The following PRDM16 variants were observed in gnomAD, a reference collection of about 807,000 sequenced individuals.
PRDM16 encodes the protein histone-lysine N-methyltransferase PRDM16.
In PRDM16, 23 loss-of-function variants were observed where a neutral mutation model predicts 110.6. The observed-to-expected ratio is 0.21, with a 90% confidence interval of 0.15 to 0.29. The LOEUF (loss-of-function observed/expected upper bound fraction) is 0.29, where lower values mean the gene tolerates loss of function less well. PRDM16 is among the 10% of genes least tolerant of loss of function. The pLI, the probability that PRDM16 is intolerant of heterozygous loss-of-function variation, is 1.00. For synonymous variants in PRDM16, 799 were observed against 781.8 expected (o/e 1.02, Z -0.37); for missense variants, 1,615 against 1,794.3 (o/e 0.90, Z 1.81).
At chr1:3,150,020 G>A (rs2100721352) in intron 1 of PRDM16, among the ~76,000 whole-genome samples, 1 of 152,344 alleles carries the variant, frequency 6.6e-6, no homozygotes, top group South Asian at 2.1e-4. Context: ...GCTGGGGCGT[G>A]TCCATCTCCT....
intron 1 of PRDM16, among the ~76,000 whole-genome samples, chr1:3,103,564 G>T (rs531061670): frequency 6.6e-6 from 1 of 152,170 alleles, no homozygotes; most frequent in African/African-American, 2.4e-5. Flanking sequence ...CTCGCATACC[G>T]CCAAAAACAC....
chr1:3,118,008 G>T (rs1163481739), intron 1 of PRDM16, among the ~76,000 whole-genome samples: 1 of 151,856 alleles, frequency 6.6e-6, no homozygotes. Flanking sequence ...GTGTGCGTGT[G>T]CGTGTGTGCA....
intron 1 of PRDM16, among the ~76,000 whole-genome samples, chr1:3,128,458 G>A (rs1395395140): frequency 6.6e-6 from 1 of 152,192 alleles, no homozygotes; most frequent in Admixed American, 6.5e-5. Context: ...ACAGTAGCAG[G>A]GCATTGAAAA....
chr1:3,200,536 G>A (rs1638596169), intron 2 of PRDM16, among the ~76,000 whole-genome samples: 1 of 152,148 alleles, frequency 6.6e-6, no homozygotes, highest in African/African-American at 2.4e-5. Flanking sequence ...TAGAGACGGG[G>A]TTTCACCGTG....
intron 3 of PRDM16, among the ~76,000 whole-genome samples, chr1:3,301,723 A>G (rs1034233250): frequency 3.9e-5 from 6 of 152,208 alleles, no homozygotes; most frequent in African/African-American, 1.2e-4. Context: ...ACTAACCCCA[A>G]GCAAAGCCAC....
intron 4 of PRDM16, among the ~76,000 whole-genome samples, chr1:3,394,145 C>T (rs186485229): frequency 9.7e-4 from 147 of 152,038 alleles, no homozygotes; most frequent in Non-Finnish European, 1.3e-3. Flanking sequence ...GGTTTCCTTC[C>T]GCAGCGCCGC....
chr1:3,251,383 G>C (rs940649831), intron 3 of PRDM16, among the ~76,000 whole-genome samples: 2 of 152,224 alleles, frequency 1.3e-5, no homozygotes, highest in African/African-American at 2.4e-5. Context: ...GAGCGGAGCA[G>C]TCAGGCACAG....
At chr1:3,364,838 G>A (rs1296707667) in intron 3 of PRDM16, among the ~76,000 whole-genome samples, 3 of 152,236 alleles carry the variant, frequency 2.0e-5, no homozygotes, top group African/African-American at 7.2e-5. Flanking sequence ...GCTTCGGAAG[G>A]AAGCAGCATG....
At chr1:3,343,652 G>A (rs143371653) in intron 3 of PRDM16, among the ~76,000 whole-genome samples, 4,508 of 151,166 alleles carry the variant, frequency 0.03, 223 homozygotes, top group African/African-American at 0.1. Flanking sequence ...TGTTTTTTTT[G>A]AGATGGAGTC....
intron 1 of PRDM16, among the ~76,000 whole-genome samples, chr1:3,125,329 C>A (rs1253539310): frequency 6.6e-6 from 1 of 152,224 alleles, no homozygotes; most frequent in Non-Finnish European, 1.5e-5. Flanking sequence ...CAGCCCAGTG[C>A]CCGCTGATTG....
In PRDM16 at chr1:3,143,177, G is replaced by A. The variant is rs1254651848; in HGVS notation, c.38-42948G>A. Among the ~76,000 whole-genome samples the A allele has an allele frequency of 1.3e-5, 2 of 152,180 alleles. No individual in the cohort carries two copies. Among genetic ancestry groups the A allele is most frequent in the Non-Finnish European group, 2.9e-5 (2 of 68,032 alleles). The stretch of plus-strand genomic sequence containing the variant: ...CCGCAGTGCTGGGCCGGGGGGAGTC[G>A]CTGGTTTGCAGCCCCTCGGGGGCCG... On this transcript the variant is annotated intron_variant, in intron 1 of 16. Coordinates refer to ENST00000270722, the MANE Select transcript of PRDM16 (RefSeq NM_022114.4). The surrounding 1 kb of genome is among the most constrained non-coding windows in gnomAD (Gnocchi z 4.5).
intron 1 of PRDM16, among the ~76,000 whole-genome samples, chr1:3,114,219 A>ACG (rs1491488529): frequency 1.9e-5 from 2 of 105,598 alleles, no homozygotes; most frequent in Admixed American, 9.9e-5. Context: ...ACGCACACGA[A>ACG]CACACACGCA....
intron 1 of PRDM16, among the ~76,000 whole-genome samples, chr1:3,135,864 A>T (rs912399566): frequency 6.6e-6 from 1 of 151,102 alleles, no homozygotes; most frequent in African/African-American, 2.4e-5. Flanking sequence ...CTCCCCTGAG[A>T]CTCCTCTTCA....
At chr1:3,102,601 C>G (rs1453252309) in intron 1 of PRDM16, among the ~76,000 whole-genome samples, 1 of 152,220 alleles carries the variant, frequency 6.6e-6, no homozygotes, top group Non-Finnish European at 1.5e-5. Flanking sequence ...GTTTTCTGCA[C>G]TGTGCATGGA....
chr1:3,389,676 A>C (rs1360708393), intron 4 of PRDM16, among the ~76,000 whole-genome samples: 1 of 152,226 alleles, frequency 6.6e-6, no homozygotes, highest in African/African-American at 2.4e-5. Context: ...ATCACGGCCA[A>C]GGGCACACTG....
At chr1:3,295,122 G>A (rs907530033) in intron 3 of PRDM16, among the ~76,000 whole-genome samples, 1 of 152,234 alleles carries the variant, frequency 6.6e-6, no homozygotes, top group African/African-American at 2.4e-5. Flanking sequence ...CACCCAGGTT[G>A]TGGCCAGCCC....
At chr1:3,277,837 G>A (rs1640626734) in intron 3 of PRDM16, among the ~76,000 whole-genome samples, 1 of 152,052 alleles carries the variant, frequency 6.6e-6, no homozygotes, top group East Asian at 1.9e-4. Flanking sequence ...ATGCACACAC[G>A]TGCACAGGCA....
At chr1:3,089,915 CTCAT>C (rs60239912) in intron 1 of PRDM16, among the ~76,000 whole-genome samples, 2 of 151,412 alleles carry the variant, frequency 1.3e-5, no homozygotes, top group African/African-American at 4.9e-5. Context: ...CTAAAATCCA[CTCAT>C]TCATTCATTC....
intron 1 of PRDM16, among the ~76,000 whole-genome samples, chr1:3,139,826 G>A (rs535496645): frequency 4.5e-4 from 69 of 152,348 alleles, no homozygotes; most frequent in African/African-American, 1.4e-3. Flanking sequence ...GGTGGGGGTA[G>A]CAGTAGGTGA....
Sources: gnomAD v4.1 joint callset for allele counts (sites outside exome capture counted in the v4.1 genomes callset) on GRCh38, gnomAD v4.1.1 for gene constraint, Gnocchi (gnomAD v3.1) non-coding constraint, MANE v1.5 for transcripts, NCBI Gene and HGNC (gene_info 2026-07-23, HGNC 2026-07-21) for gene names.